The following NSUN7 variants were observed in gnomAD, a reference collection of about 807,000 sequenced individuals.
The protein encoded by NSUN7 is NOP2/Sun RNA methyltransferase family member 7, also known as protein NSUN7.
Under a neutral mutation model 58.5 loss-of-function variants are expected in NSUN7, and 39 were observed. The ratio of observed to expected loss-of-function variants is 0.67; its 90% CI spans 0.52 to 0.87. NSUN7 has a LOEUF of 0.87. NSUN7 is among the 40% of genes least tolerant of loss of function. The pLI is 0.00. For synonymous variants in NSUN7, 278 were observed against 303.7 expected (o/e 0.92, Z 0.88); for missense variants, 765 against 844.1 (o/e 0.91, Z 1.16).
Position 40,810,141 on chromosome 4 carries a change from T to C in NSUN7, c.*1202T>C, listed in dbSNP as rs1744128234. ...TTTTAGAATATTATCTTCTTCAAGA[T>C]GAATACTTAGGTCTACTTCAGCTCT... On this transcript the variant is annotated 3_prime_UTR_variant, in exon 12 of 12. Transcript: ENST00000381782. 6.6e-6 allele frequency: 1 copy of C among 152,260 alleles called. No individual in the cohort carries two copies. The highest frequency in any genetic ancestry group is 1.5e-5 in the Non-Finnish European group (1 of 68,042). The allele number at this position is 152,260 out of a possible 1,614,324, so 9.4% of individuals were successfully genotyped here.
In NSUN7 at chr4:40,776,359, C is replaced by G. The variant is rs1025838555; in HGVS notation, c.1036+100C>G. The G allele has an allele frequency of 1.1e-5, 8 of 747,836 alleles. No homozygotes were observed. The African/African-American group carries it at 1.2e-4, about 12-fold the overall frequency. The allele number at this position is 747,836 out of a possible 1,614,324, so 46.3% of individuals were successfully genotyped here. ...TTAGTTTTTTTGTAATGTAAAAGCT[C>G]TATATGTGAACTAATATCTTAAAAT... On this transcript the variant is annotated intron_variant, in intron 7 of 11. Coordinates refer to ENST00000381782, the MANE Select transcript of NSUN7 (RefSeq NM_024677.6).
At chr4:40,803,183 T>C (rs1340660978) in intron 10 of NSUN7, among the ~76,000 whole-genome samples, 1 of 152,072 alleles carries the variant, frequency 6.6e-6, no homozygotes, top group East Asian at 1.9e-4. Context: ...ATCCAGTCTA[T>C]CATTGTTGGA....
At chr4:40,802,244 G>A (rs1743618140) in intron 10 of NSUN7, among the ~76,000 whole-genome samples, 1 of 150,846 alleles carries the variant, frequency 6.6e-6, no homozygotes, top group Admixed American at 6.6e-5. Context: ...GTGTGGATCT[G>A]TAATTCTATT....
At chr4:40,798,345 G>A (rs1308021308) in intron 9 of NSUN7, among the ~76,000 whole-genome samples, 1 of 152,124 alleles carries the variant, frequency 6.6e-6, no homozygotes, top group Admixed American at 6.6e-5. Context: ...CTCATTTTAC[G>A]GATGAAAAAT....
chr4:40,790,801 T>G (rs1297389682), intron 8 of NSUN7, 56 bp downstream of exon 8: 5 of 1,297,194 alleles, frequency 3.9e-6, no homozygotes, highest in Middle Eastern at 2.6e-4. Flanking sequence ...AAATATAAAA[T>G]TATTTAAAAT....
At chr4:40,764,125 G>A (rs1488572626) in intron 4 of NSUN7, among the ~76,000 whole-genome samples, 2 of 150,870 alleles carry the variant, frequency 1.3e-5, no homozygotes, top group African/African-American at 4.9e-5. Context: ...TGTGCACAAT[G>A]TGCAGGTTAG....
At chr4:40,787,907 T>C (rs1302254499) in intron 7 of NSUN7, among the ~76,000 whole-genome samples, 1 of 152,212 alleles carries the variant, frequency 6.6e-6, no homozygotes, top group Non-Finnish European at 1.5e-5. Context: ...CGATCTTGGC[T>C]CACTGCAACC....
At chr4:40,807,498 C>T (rs1007391727) in intron 11 of NSUN7, among the ~76,000 whole-genome samples, 2 of 151,968 alleles carry the variant, frequency 1.3e-5, no homozygotes, top group Non-Finnish European at 2.9e-5. Flanking sequence ...TACAGGCGTC[C>T]ACCACCATGC....
At chr4:40,802,720 A>G (rs962293896) in intron 10 of NSUN7, among the ~76,000 whole-genome samples, 1 of 151,800 alleles carries the variant, frequency 6.6e-6, no homozygotes, top group Non-Finnish European at 1.5e-5. Context: ...TCAGAACACA[A>G]TTACATATAT....
intron 1 of NSUN7, 134 bp from the exon 2 acceptor site, chr4:40,750,469 C>G (rs1306810618): frequency 2.1e-6 from 1 of 480,464 alleles, no homozygotes; most frequent in Non-Finnish European, 3.7e-6. Context: ...TTGAGCGTCC[C>G]AGGCTCGAAG....
Position 40,774,886 on chromosome 4 carries a change from C to A in NSUN7, c.761C>A (p.Pro254Gln). ...CATTGCTATGATGTCTTAATTTTTC[C>A]ATCTCATCTTAAAAATGATCTTATA... ...DQHCYDVLIF[P>Q]SHLKNDLINI... Residue 254 changes from proline to glutamine, a missense_variant, in exon 6 of 12, where the codon CCA becomes CAA. Coordinates refer to ENST00000381782, the MANE Select transcript of NSUN7 (RefSeq NM_024677.6). 7.4e-7 allele frequency: 1 copy of A among 1,342,456 alleles called. No individual in the cohort carries two copies. The highest frequency in any genetic ancestry group is 1.1e-6 in the Non-Finnish European group (1 of 934,862). 83.2% of individuals were successfully genotyped at this position (1,342,456 alleles called of 1,614,324 possible).
chr4:40,760,862 C>CAAA lies in NSUN7; in HGVS notation c.358-292_358-290dup, dbSNP rs540410744. Among the ~76,000 whole-genome samples, 201 of 60,170 alleles carry CAAA rather than the reference C, an allele frequency of 3.3e-3. 1 individual carries two copies. Among genetic ancestry groups the CAAA allele is most frequent in the African/African-American group, 1.0e-2 (194 of 19,448 alleles). The allele number at this position is 60,170 out of a possible 152,430, so 39.5% of individuals were successfully genotyped here. A position where few individuals can be genotyped will look rare whatever the true frequency, so the allele number is the denominator to read the frequency against. On this transcript the variant is annotated intron_variant, in intron 3 of 11. Transcript: ENST00000381782. Reference sequence around the variant, plus strand: ...AGACAACAAGAGTGAAACTCCGTCTCAAAAAAAAAAAAAAAAAAAGATTTA... The same window carrying CAAA: ...AGACAACAAGAGTGAAACTCCGTCTCAAAAAAAAAAAAAAAAAAAAAAGATTTA...
chr4:40,758,749 G>C (rs1741296603), intron 2 of NSUN7, among the ~76,000 whole-genome samples: 1 of 151,988 alleles, frequency 6.6e-6, no homozygotes, highest in African/African-American at 2.4e-5. Context: ...GCCAGGTGTG[G>C]TGCCACACAC....
At chr4:40,797,453 G>T (rs950573521) in intron 9 of NSUN7, among the ~76,000 whole-genome samples, 1 of 152,136 alleles carries the variant, frequency 6.6e-6, no homozygotes, top group East Asian at 1.9e-4. Context: ...TCTTCCTCCC[G>T]CCATACTTGT....
At position 40,810,080 on chromosome 4, in the gene NSUN7, C is replaced by CATAA. The variant is rs1189607818; in HGVS notation, c.*1144_*1147dup. 3 of 152,164 alleles carry CATAA rather than the reference C, an allele frequency of 2.0e-5. No homozygotes were observed. Among genetic ancestry groups the CATAA allele is most frequent in the South Asian group, 2.1e-4 (1 of 4,826 alleles). 9.4% of individuals were successfully genotyped at this position (152,164 alleles called of 1,614,324 possible). On this transcript the variant is annotated 3_prime_UTR_variant, in exon 12 of 12. Coordinates refer to ENST00000381782, the MANE Select transcript of NSUN7 (RefSeq NM_024677.6). ...GCAATTCAGTTGTATAGAAATGTTACATAAATTCCTAAATGCTCAATTCAG... is the reference window on the plus strand; with the variant it reads ...GCAATTCAGTTGTATAGAAATGTTACATAAATAAATTCCTAAATGCTCAATTCAG...
chr4:40,757,607 T>C (rs1047689618), intron 2 of NSUN7, among the ~76,000 whole-genome samples: 1 of 145,660 alleles, frequency 6.9e-6, no homozygotes, highest in Non-Finnish European at 1.5e-5. Context: ...TGTATATATA[T>C]ACATTGTGTG....
rs955361961 is a variant in NSUN7, at chr4:40,752,845, G to A, written c.298+1854G>A. Among the ~76,000 whole-genome samples, 48 of 8,422 alleles carry A rather than the reference G, an allele frequency of 5.7e-3. No individual in the cohort carries two copies. The African/African-American group carries it at 0.079, about 14-fold the overall frequency. The allele number at this position is 8,422 out of a possible 152,430, so 5.5% of individuals were successfully genotyped here. On this transcript the variant is annotated intron_variant, in intron 2 of 11. Transcript: ENST00000381782. ...GAGTCTCTTTGTTTTTTGTTTCTTT[G>A]TTTTCTCCTCAGTAATTTTTCTTTT...
At chr4:40,787,374 AAAG>A (rs202060308) in intron 7 of NSUN7, among the ~76,000 whole-genome samples, 53 of 151,760 alleles carry the variant, frequency 3.5e-4, no homozygotes, top group Admixed American at 2.9e-3. Context: ...AATGTAAAAA[AAAG>A]AAAATATAAT....
chr4:40,780,813 A>T (rs13136120), intron 7 of NSUN7, among the ~76,000 whole-genome samples: 969 of 63,290 alleles, frequency 0.015, 56 homozygotes, highest in East Asian at 0.036. Flanking sequence ...ATATATATAT[A>T]TTTTTTTTTT....
Sources: gnomAD v4.1 joint callset for allele counts (sites outside exome capture counted in the v4.1 genomes callset) on GRCh38, gnomAD v4.1.1 for gene constraint, MANE v1.5 for transcripts, NCBI Gene and HGNC (gene_info 2026-07-23, HGNC 2026-07-21) for gene names.